The following RABGEF1 variants were observed in gnomAD, a reference collection of about 807,000 sequenced individuals.
The protein encoded by RABGEF1 is rab5 GDP/GTP exchange factor.
Under a neutral mutation model 57.3 loss-of-function variants are expected in RABGEF1, and 26 were observed. That is an observed-to-expected ratio of 0.45 (90% CI 0.33 to 0.63). The LOEUF (loss-of-function observed/expected upper bound fraction) is 0.63, where lower values mean the gene tolerates loss of function less well. Ranked by LOEUF, RABGEF1 falls within the 20% of genes least tolerant of loss-of-function variation. The probability of loss-of-function intolerance (pLI) is 0.02; values close to 1 mark genes in which losing one functional copy is unlikely to be tolerated. For missense variants in RABGEF1, 464 were observed against 607.6 expected (o/e 0.76, Z 2.48); for synonymous variants, 185 against 210.7 (o/e 0.88, Z 1.06).
At chr7:66,674,489 A>G in the RABGEF1 span, among the ~76,000 whole-genome samples, 911 of 152,174 alleles carry the variant, frequency 6.0e-3, 4 homozygotes, top group Non-Finnish European at 0.01. Context: ...CGCCCGTCCT[A>G]AAGGTCTTAC....
intron 1 of RABGEF1, among the ~76,000 whole-genome samples, chr7:66,750,034 G>T (rs1189955046): frequency 2.0e-5 from 3 of 152,106 alleles, no homozygotes; most frequent in African/African-American, 7.2e-5. Flanking sequence ...TATCATAACT[G>T]GTGTCTCACG....
chr7:66,747,556 T>C (rs989547896), intron 1 of RABGEF1, among the ~76,000 whole-genome samples: 2 of 152,232 alleles, frequency 1.3e-5, no homozygotes, highest in Non-Finnish European at 1.5e-5. Context: ...TGGGGGATTT[T>C]CACATAGGGG....
At chr7:66,793,178 G>A (rs1032428431) in intron 4 of RABGEF1, among the ~76,000 whole-genome samples, 3 of 152,234 alleles carry the variant, frequency 2.0e-5, no homozygotes, top group Middle Eastern at 3.4e-3. Context: ...TCCCTTATCC[G>A]AGAGCCTTGG....
the RABGEF1 span, among the ~76,000 whole-genome samples, chr7:66,670,082 C>T: frequency 6.6e-6 from 1 of 152,146 alleles, no homozygotes; most frequent in Admixed American, 6.6e-5. Flanking sequence ...TAAACCGCCC[C>T]TTTCCCCAAG....
chr7:66,767,000 CTT>C (rs34123866), intron 1 of RABGEF1, among the ~76,000 whole-genome samples: 5,265 of 102,536 alleles, frequency 0.051, 72 homozygotes, highest in Middle Eastern at 0.1. Context: ...TGTCAAGTTT[CTT>C]TTTTTTTTTT....
intron 1 of RABGEF1, among the ~76,000 whole-genome samples, chr7:66,684,170 C>G (rs1207619110): frequency 1.3e-5 from 2 of 152,120 alleles, no homozygotes; most frequent in Non-Finnish European, 2.9e-5. Context: ...CCCTGGCTAG[C>G]TGCGGTGGCT....
intron 1 of RABGEF1, among the ~76,000 whole-genome samples, chr7:66,759,042 A>G (rs1803529905): frequency 6.6e-6 from 1 of 152,210 alleles, no homozygotes; most frequent in Non-Finnish European, 1.5e-5. Context: ...TATTTGTGCA[A>G]TGTATGTGTA....
chr7:66,741,632 C>T (rs1220723559), intron 1 of RABGEF1, among the ~76,000 whole-genome samples: 4 of 152,150 alleles, frequency 2.6e-5, no homozygotes, highest in African/African-American at 9.7e-5. Context: ...TACCGGAGCA[C>T]CTTGGGAGTT....
intron 2 of RABGEF1, among the ~76,000 whole-genome samples, chr7:66,718,452 T>G (rs540470001): frequency 1.8e-4 from 28 of 152,348 alleles, no homozygotes; most frequent in Middle Eastern, 3.4e-3. Flanking sequence ...TCTTTTTCCA[T>G]GTAAGATGTT....
intron 1 of RABGEF1, among the ~76,000 whole-genome samples, chr7:66,699,103 A>G (rs1166089087): frequency 2.0e-5 from 3 of 152,042 alleles, no homozygotes; most frequent in African/African-American, 7.2e-5. Context: ...GGCCTTGGTA[A>G]CCTGTGGGGA....
chr7:66,721,797 G>A (rs187151547), intron 2 of RABGEF1, among the ~76,000 whole-genome samples: 84 of 152,068 alleles, frequency 5.5e-4, no homozygotes, highest in African/African-American at 1.8e-3. Context: ...GTAGAACCCC[G>A]TCTCTACTCA....
intron 4 of RABGEF1, among the ~76,000 whole-genome samples, chr7:66,789,347 G>C (rs975955771): frequency 2.0e-5 from 3 of 152,136 alleles, no homozygotes; most frequent in African/African-American, 7.2e-5. Flanking sequence ...ATAGCTCTGA[G>C]CTCTCAGCAT....
chr7:66,693,628 T>A (rs1167176995), intron 1 of RABGEF1, among the ~76,000 whole-genome samples: 1 of 151,998 alleles, frequency 6.6e-6, no homozygotes, highest in Non-Finnish European at 1.5e-5. Flanking sequence ...TTTTCCACAC[T>A]TACCAGTGCT....
the RABGEF1 span, among the ~76,000 whole-genome samples, chr7:66,670,430 A>G: frequency 0.016 from 1,938 of 120,104 alleles, 56 homozygotes; most frequent in East Asian, 0.12. Flanking sequence ...ATTGAATGAG[A>G]TGATTTTTTT....
chr7:66,662,665 C>T, the RABGEF1 span, among the ~76,000 whole-genome samples: 3 of 152,218 alleles, frequency 2.0e-5, no homozygotes, highest in Non-Finnish European at 1.5e-5. Flanking sequence ...AACCCTGCTC[C>T]TTGTTCCTCC....
chr7:66,744,788 CTT>C (rs1799824095), intron 1 of RABGEF1, among the ~76,000 whole-genome samples: 1 of 152,058 alleles, frequency 6.6e-6, no homozygotes, highest in Admixed American at 6.6e-5. Context: ...TCATTTCTCT[CTT>C]TGCTTTCTCA....
At chr7:66,765,515 G>C (rs1371006706) in intron 1 of RABGEF1, among the ~76,000 whole-genome samples, 1 of 152,134 alleles carries the variant, frequency 6.6e-6, no homozygotes, top group Non-Finnish European at 1.5e-5. Flanking sequence ...CAGGGTGTAT[G>C]ACTCAGAATC....
chr7:66,799,464 A>G, intron 7 of RABGEF1, 50 bp downstream of exon 7: 1 of 1,406,068 alleles, frequency 7.1e-7, no homozygotes, highest in Non-Finnish European at 1.0e-6. Context: ...CCTTAAAGTT[A>G]ACATTTTACT....
chr7:66,671,893 T>C, the RABGEF1 span, among the ~76,000 whole-genome samples: 1 of 147,830 alleles, frequency 6.8e-6, no homozygotes, highest in African/African-American at 2.5e-5. Flanking sequence ...CACAACTCAC[T>C]ACAGCCTTGA....
Sources: allele counts gnomAD v4.1 joint callset (sites outside exome capture counted in the v4.1 genomes callset), GRCh38; gene constraint gnomAD v4.1.1; transcripts MANE v1.5; gene names NCBI Gene and HGNC (gene_info 2026-07-23, HGNC 2026-07-21).